The following MTURN variants were observed in gnomAD, a reference collection of about 807,000 sequenced individuals.
The protein encoded by MTURN is maturin.
In MTURN, 7 loss-of-function variants were observed where a neutral mutation model predicts 14.9. That is an observed-to-expected ratio of 0.47 (90% confidence interval 0.27 to 0.88). The LOEUF is 0.88. MTURN is among the 40% of genes least tolerant of loss of function. The probability of loss-of-function intolerance (pLI) is 0.14; values close to 1 mark genes in which losing one functional copy is unlikely to be tolerated. For missense variants in MTURN, 151 were observed against 174.1 expected (o/e 0.87, Z 0.75); for synonymous variants, 69 against 72.5 (o/e 0.95, Z 0.25).
chr7:30,147,074 T>C (rs1797141338), intron 2 of MTURN, among the ~76,000 whole-genome samples: 1 of 152,232 alleles, frequency 6.6e-6, no homozygotes, highest in African/African-American at 2.4e-5. Flanking sequence ...TCTAATGCTG[T>C]CTCCTTCTCT....
intron 1 of MTURN, among the ~76,000 whole-genome samples, chr7:30,145,260 C>T (rs893693784): frequency 2.0e-5 from 3 of 152,150 alleles, no homozygotes; most frequent in Admixed American, 6.5e-5. Flanking sequence ...CCTGTAGTCC[C>T]AGCAATTTGG....
chr7:30,157,705 A>G lies in MTURN; in HGVS notation c.*157A>G. ...GAAATACCTTTTTAACGACCACAAA[A>G]TATCTGTGATGAGCTTTGCTCAGAA... On this transcript the variant is annotated 3_prime_UTR_variant, in exon 3 of 3. Coordinates refer to ENST00000324453, the MANE Select transcript of MTURN (RefSeq NM_152793.3). The G allele has an allele frequency of 2.3e-6, 1 of 435,744 alleles. No homozygotes were observed. The highest frequency in any genetic ancestry group is 3.6e-5 in the South Asian group (1 of 27,742). 27.0% of individuals were successfully genotyped at this position (435,744 alleles called of 1,614,324 possible).
At chr7:30,151,537 A>G (rs932305139) in intron 2 of MTURN, among the ~76,000 whole-genome samples, 1 of 152,268 alleles carries the variant, frequency 6.6e-6, no homozygotes, top group Admixed American at 6.5e-5. Flanking sequence ...AAGAGAAGAA[A>G]TAGCCTACTA....
intron 2 of MTURN, among the ~76,000 whole-genome samples, chr7:30,152,648 T>C (rs1797229831): frequency 6.6e-6 from 1 of 152,184 alleles, no homozygotes; most frequent in Non-Finnish European, 1.5e-5. Context: ...CATGGTTGAT[T>C]GGCCGTGCTC....
intron 2 of MTURN, among the ~76,000 whole-genome samples, chr7:30,146,908 T>G (rs1797138852): frequency 6.6e-6 from 1 of 152,232 alleles, no homozygotes; most frequent in Non-Finnish European, 1.5e-5. Context: ...CTCACTTCTA[T>G]TTTGAAGATT....
At chr7:30,141,033 T>C (rs10247298) in intron 1 of MTURN, 110,735 of 152,410 alleles carry the variant, frequency 0.73, 41,321 homozygotes, top group East Asian at 0.94. Flanking sequence ...ACAGGCAAGT[T>C]ACTTAACCTC....
At chr7:30,138,243 G>A (rs553659538) in intron 1 of MTURN, among the ~76,000 whole-genome samples, 57 of 152,200 alleles carry the variant, frequency 3.7e-4, no homozygotes, top group African/African-American at 1.2e-3. Flanking sequence ...AGCCTCTCCA[G>A]TAGCTGGGAT....
chr7:30,162,584 A>T lies in MTURN; in HGVS notation c.*5036A>T, dbSNP rs1220361162. 1 of 152,134 alleles carries T rather than the reference A, an allele frequency of 6.6e-6. No individual in the cohort carries two copies. Among genetic ancestry groups the T allele is most frequent in the Non-Finnish European group, 1.5e-5 (1 of 67,932 alleles). The allele number at this position is 152,134 out of a possible 1,614,324, so 9.4% of individuals were successfully genotyped here. A position where few individuals can be genotyped will look rare whatever the true frequency, so the allele number is the denominator to read the frequency against. ...TTTCCTTTCAAAGAAATCTCTTGTA[A>T]ATTACAAAACTGTGAATTGGGTTGC... On this transcript the variant is annotated 3_prime_UTR_variant, in exon 3 of 3. Coordinates refer to ENST00000324453, the MANE Select transcript of MTURN (RefSeq NM_152793.3).
At chr7:30,137,778 C>T in intron 1 of MTURN, 1 of 416,226 alleles carries the variant, frequency 2.4e-6, no homozygotes, top group Non-Finnish European at 5.1e-6. Context: ...AAGCATTAGA[C>T]AAAAGTGTGA....
At chr7:30,146,870 T>A (rs1276516954) in intron 2 of MTURN, among the ~76,000 whole-genome samples, 6 of 152,216 alleles carry the variant, frequency 3.9e-5, no homozygotes, top group African/African-American at 1.4e-4. Context: ...CTGTTTTCAT[T>A]CTAGCTGATA....
rs1484085397 is a variant in MTURN, at chr7:30,160,470, TG to T, written c.*2923del. The T allele has an allele frequency of 3.9e-5, 6 of 152,106 alleles. No individual in the cohort carries two copies. Among genetic ancestry groups the T allele is most frequent in the African/African-American group, 1.2e-4 (5 of 41,374 alleles). The allele number at this position is 152,106 out of a possible 1,614,324, so 9.4% of individuals were successfully genotyped here. On this transcript the variant is annotated 3_prime_UTR_variant, in exon 3 of 3. Coordinates refer to ENST00000324453, the MANE Select transcript of MTURN (RefSeq NM_152793.3). ...GTTTAACTTACCTGAGAGTGAGAGA[TG>T]TGTAGGAAGAATAGCTGGAAGAAAG...
intron 1 of MTURN, chr7:30,137,473 C>T (rs999650230): frequency 7.6e-6 from 3 of 396,940 alleles, no homozygotes; most frequent in Non-Finnish European, 1.6e-5. Context: ...CTCTTGAGGC[C>T]ACCCAGATTT....
chr7:30,144,000 A>T (rs1002219480), intron 1 of MTURN, among the ~76,000 whole-genome samples: 1 of 152,252 alleles, frequency 6.6e-6, no homozygotes, highest in Non-Finnish European at 1.5e-5. Context: ...GAGTTGCCTC[A>T]GGCAGTGCTC....
chr7:30,148,122 C>G (rs1209232571), intron 2 of MTURN, among the ~76,000 whole-genome samples: 2 of 152,138 alleles, frequency 1.3e-5, no homozygotes, highest in African/African-American at 4.8e-5. Flanking sequence ...GGAAAGAAAT[C>G]AGGGAATGGG....
In MTURN at chr7:30,158,390, G is replaced by C. The variant is rs1797319676; in HGVS notation, c.*842G>C. 6.6e-6 allele frequency: 1 copy of C among 152,514 alleles called. No individual in the cohort carries two copies. Among genetic ancestry groups the C allele is most frequent in the African/African-American group, 2.4e-5 (1 of 41,404 alleles). 9.4% of individuals were successfully genotyped at this position (152,514 alleles called of 1,614,324 possible). On this transcript the variant is annotated 3_prime_UTR_variant, in exon 3 of 3. Coordinates refer to ENST00000324453, the MANE Select transcript of MTURN (RefSeq NM_152793.3). ...GCTTGTTAAATCATGAAAACATCCA[G>C]AATTCAAGTGCCGCTTAAACTTTGA...
intron 1 of MTURN, chr7:30,145,941 G>T: frequency 6.4e-7 from 1 of 1,551,764 alleles, no homozygotes; most frequent in Admixed American, 2.0e-5. Context: ...CAGATCTGAT[G>T]ATGAACAGAG....
chr7:30,157,834 T>G lies in MTURN; in HGVS notation c.*286T>G, dbSNP rs906575080. 2.1e-5 allele frequency: 4 copies of G among 194,102 alleles called. No individual in the cohort carries two copies. Among genetic ancestry groups the G allele is most frequent in the Admixed American group, 6.2e-5 (1 of 16,188 alleles). 12.0% of individuals were successfully genotyped at this position (194,102 alleles called of 1,614,324 possible). On this transcript the variant is annotated 3_prime_UTR_variant, in exon 3 of 3. Transcript: ENST00000324453. ...TCCATTTTGTGGCTGACTATTCTCT[T>G]AAGTTTATGTTGGAGAATTAACATT...
intron 2 of MTURN, among the ~76,000 whole-genome samples, chr7:30,154,278 C>T (rs936780080): frequency 6.6e-6 from 1 of 152,136 alleles, no homozygotes; most frequent in Non-Finnish European, 1.5e-5. Flanking sequence ...ATAGGATTTT[C>T]ACTCAACACC....
At chr7:30,149,458 A>C (rs1402613527) in intron 2 of MTURN, among the ~76,000 whole-genome samples, 1 of 152,098 alleles carries the variant, frequency 6.6e-6, no homozygotes, top group East Asian at 1.9e-4. Context: ...ACCTTCCCGG[A>C]CTGGTAAAGA....
Sources: allele counts gnomAD v4.1 joint callset (sites outside exome capture counted in the v4.1 genomes callset), GRCh38; gene constraint gnomAD v4.1.1; transcripts MANE v1.5; gene names NCBI Gene and HGNC (gene_info 2026-07-23, HGNC 2026-07-21).